The following KLK6 variants were observed in gnomAD, a reference collection of about 807,000 sequenced individuals.
KLK6 encodes the protein kallikrein-6.
Under a neutral mutation model 21.7 loss-of-function variants are expected in KLK6, and 16 were observed. The ratio of observed to expected loss-of-function variants is 0.74; its 90% CI spans 0.50 to 1.12. The LOEUF is 1.12. Among genes scored for constraint, KLK6 ranks in the 50% most tolerant of loss-of-function variants. KLK6 has a pLI of 0.00. For synonymous variants in KLK6, 116 were observed against 120.1 expected, an observed-to-expected ratio of 0.97 and a Z score of 0.22; for missense variants, 276 against 304.6, an observed-to-expected ratio of 0.91 and a Z score of 0.70.
rs2090759137 is a variant in KLK6, at chr19:50,958,898, A to G, written c.*266T>C. The G allele has an allele frequency of 2.2e-6, 1 of 462,638 alleles. No homozygotes were observed. The highest frequency in any genetic ancestry group is 3.9e-6 in the Non-Finnish European group (1 of 256,786). 28.7% of individuals were successfully genotyped at this position (462,638 alleles called of 1,614,324 possible). On this transcript the variant is annotated 3_prime_UTR_variant, in exon 7 of 7. Transcript: ENST00000310157. ...AACGTGTGGAAGGGTTGGGGAGAGG[A>G]GATGCCTAGAAGGGATTTTCCTGTA...
intron 5 of KLK6, chr19:50,962,737 T>A (rs1158342474): frequency 6.5e-6 from 1 of 154,078 alleles, no homozygotes; most frequent in African/African-American, 2.4e-5. Flanking sequence ...TTCACCTTTC[T>A]TATTGGCCCT....
At chr19:50,961,348 T>A (rs936413055) in intron 6 of KLK6, among the ~76,000 whole-genome samples, 15 of 138,594 alleles carry the variant, frequency 1.1e-4, no homozygotes, top group Middle Eastern at 3.6e-3. Context: ...ATTTTTGTAT[T>A]TTTAGTAGAG....
rs1418537587 is a variant in KLK6 at position 50,959,181 on chromosome 19, T to A, written c.718A>T (p.Thr240Ser). Residue 240 changes from threonine (T) to serine (S), a missense_variant, in exon 7 of 7, where the codon ACC becomes TCC. Thr to Ser is a moderately conservative substitution (Grantham distance 58, BLOSUM62 1). Transcript: ENST00000310157. ...TGTCAGGGTCACTTGGCCTGAATGG[T>A]TTTTTGGATCCAGTTCGTGTATCTG... ...VCRYTNWIQK[T>S]IQAK is the part of the protein sequence containing the mutation. The A allele has an allele frequency of 6.2e-7, 1 of 1,613,768 alleles. No homozygotes were observed.
chr19:50,964,118 C>T (rs2090890064), intron 4 of KLK6, among the ~76,000 whole-genome samples: 1 of 152,150 alleles, frequency 6.6e-6, no homozygotes, highest in Non-Finnish European at 1.5e-5. Context: ...TCCAGCCAAA[C>T]GCTGGCTTCC....
intron 2 of KLK6, 103 bp from the exon 3 acceptor site, chr19:50,968,215 G>A (rs2090958307): frequency 9.6e-7 from 1 of 1,041,312 alleles, no homozygotes; most frequent in Non-Finnish European, 1.5e-6. Context: ...GGCCTGCTAT[G>A]GTCTCCTGCC....
chr19:50,967,015 T>G (rs2050271944), intron 4 of KLK6, among the ~76,000 whole-genome samples, 154 bp downstream of exon 4: 1 of 152,200 alleles, frequency 6.6e-6, no homozygotes, highest in Non-Finnish European at 1.5e-5. Flanking sequence ...CTGGCACACA[T>G]TAAGTACTCA....
intron 1 of KLK6, chr19:50,968,887 G>A (rs1204000127): frequency 6.5e-6 from 1 of 153,684 alleles, no homozygotes; most frequent in South Asian, 1.9e-4. Flanking sequence ...CCGCCCCCAC[G>A]CTCTGCTCTT....
At chr19:50,967,077 G>C (rs996616688) in intron 4 of KLK6, 92 bp downstream of exon 4, 32 of 1,388,086 alleles carry the variant, frequency 2.3e-5, no homozygotes, top group African/African-American at 5.7e-5. Flanking sequence ...GTGCTGGGAT[G>C]GGGGGGATGC....
chr19:50,966,119 C>G (rs1244248260), intron 4 of KLK6, among the ~76,000 whole-genome samples: 2 of 152,148 alleles, frequency 1.3e-5, no homozygotes, highest in Admixed American at 1.3e-4. Flanking sequence ...CCCTGGCCTC[C>G]CTGCTGGGAC....
chr19:50,959,281 G>C lies in KLK6; in HGVS notation c.618C>G (p.His206Gln). The C allele has an allele frequency of 6.2e-7, 1 of 1,613,960 alleles. No individual in the cohort carries two copies. The stretch of plus-strand genomic sequence containing the variant: ...TACCCCATGACACAAGGCCTCGGAG[G>C]TGGTCTCCACATACCAGCGGACCCC... ...DSGGPLVCGD[H>Q]LRGLVSWGNI... Residue 206 changes from histidine to glutamine, a missense_variant, in exon 7 of 7, where the codon CAC (histidine) becomes CAG (glutamine). Transcript: ENST00000310157.
chr19:50,959,273 C>T lies in KLK6; in HGVS notation c.626G>A (p.Gly209Asp). The T allele has an allele frequency of 6.2e-7, 1 of 1,613,854 alleles. No individual in the cohort carries two copies. The highest frequency in any genetic ancestry group is 2.2e-5 in the East Asian group (1 of 44,840). The stretch of plus-strand genomic sequence containing the variant: ...GGGGATGTTACCCCATGACACAAGG[C>T]CTCGGAGGTGGTCTCCACATACCAG... Reference protein sequence around the residue: ...GPLVCGDHLRGLVSWGNIPCG... With the variant: ...GPLVCGDHLRDLVSWGNIPCG... Residue 209 changes from glycine (G) to aspartate (D), a missense_variant, in exon 7 of 7, where the codon GGC becomes GAC. Physicochemically the swap from Gly to Asp is moderately conservative, Grantham distance 94 (BLOSUM62 -1). Coordinates refer to ENST00000310157, the MANE Select transcript of KLK6 (RefSeq NM_002774.4).
intron 5 of KLK6, chr19:50,962,189 A>C: frequency 3.6e-6 from 1 of 277,008 alleles, no homozygotes; most frequent in Non-Finnish European, 6.8e-6. Context: ...TCTCTCTTCC[A>C]CTGGTCCCAC....
At chr19:50,967,959 C>A (rs952012950) in intron 3 of KLK6, 106 bp downstream of exon 3, 49 of 1,012,268 alleles carry the variant, frequency 4.8e-5, no homozygotes, top group Admixed American at 3.5e-5. Flanking sequence ...TCAAAGCTCC[C>A]CCACCCCAAC....
At chr19:50,967,466 C>A in intron 3 of KLK6, 141 bp from the exon 4 acceptor site, 1 of 739,998 alleles carries the variant, frequency 1.4e-6, no homozygotes. Flanking sequence ...TCGCTTGAGC[C>A]CAGGAGTTTG....
intron 6 of KLK6, among the ~76,000 whole-genome samples, chr19:50,960,086 G>A (rs1367872317): frequency 1.4e-5 from 1 of 71,746 alleles, no homozygotes; most frequent in African/African-American, 6.2e-5. Flanking sequence ...GAGGAGGAGG[G>A]GGAGGAGGAT....
intron 5 of KLK6, chr19:50,962,791 C>A (rs2081700896): frequency 6.4e-6 from 1 of 156,768 alleles, no homozygotes; most frequent in African/African-American, 2.4e-5. Context: ...ATCTATTGGA[C>A]CTGTTTTTTC....
At chr19:50,964,854 C>T (rs898522557) in intron 4 of KLK6, among the ~76,000 whole-genome samples, 6 of 152,226 alleles carry the variant, frequency 3.9e-5, no homozygotes, top group African/African-American at 1.2e-4. Flanking sequence ...TCTCCCAGCA[C>T]CTTCTGCCCC....
At position 50,960,628 on chromosome 19, in the gene KLK6, C is replaced by G. The variant is rs142181205; in HGVS notation, c.582+1116G>C. ...TTTTGTTTTTAGACAGAGTCTGGCT[C>G]TGTCCCCAGGCTGGAGTGCAGTGGC... On this transcript the variant is annotated intron_variant, in intron 6 of 6. Coordinates refer to ENST00000310157, the MANE Select transcript of KLK6 (RefSeq NM_002774.4). Among the ~76,000 whole-genome samples the G allele has an allele frequency of 2.1e-3, 313 of 152,282 alleles. 1 individual carries two copies. The highest frequency in any genetic ancestry group is 0.017 in the Middle Eastern group (5 of 294).
At chr19:50,961,678 C>G (rs1295693947) in intron 6 of KLK6, 66 bp downstream of exon 6, 4 of 1,573,586 alleles carry the variant, frequency 2.5e-6, no homozygotes, top group Non-Finnish European at 3.5e-6. Flanking sequence ...CTTCCTGTGT[C>G]TGGCCATGTT....
Sources: allele counts gnomAD v4.1 joint callset (sites outside exome capture counted in the v4.1 genomes callset), GRCh38; gene constraint gnomAD v4.1.1; transcripts MANE v1.5; gene names NCBI Gene and HGNC (gene_info 2026-07-23, HGNC 2026-07-21).